The following SLC27A6 variants were observed in gnomAD, a reference collection of about 807,000 sequenced individuals.
SLC27A6 encodes the protein long-chain fatty acid transport protein 6.
In SLC27A6, 74 loss-of-function variants were observed where a neutral mutation model predicts 63.9. That is an observed-to-expected ratio of 1.16 (90% CI 0.96 to 1.40). The LOEUF is 1.40. Among genes scored for constraint, SLC27A6 ranks in the 40% most tolerant of loss-of-function variants. The pLI is 0.00. For synonymous variants in SLC27A6, 287 were observed against 260.8 expected, an observed-to-expected ratio of 1.10 and a Z score of -0.97; for missense variants, 794 against 732.9, an observed-to-expected ratio of 1.08 and a Z score of -0.96.
intron 1 of SLC27A6, among the ~76,000 whole-genome samples, chr5:128,969,462 C>T (rs1185190372): frequency 2.0e-5 from 3 of 152,100 alleles, no homozygotes. Context: ...TTGTAGTTCT[C>T]CTTGAAGAGG....
intron 3 of SLC27A6, 57 bp downstream of exon 3, chr5:128,988,815 T>C: frequency 7.3e-7 from 1 of 1,370,352 alleles, no homozygotes; most frequent in Non-Finnish European, 1.0e-6. Flanking sequence ...TTAGAACAAG[T>C]ATTTATTAAC....
chr5:129,031,167 G>A (rs1752403670), intron 9 of SLC27A6, among the ~76,000 whole-genome samples: 1 of 152,002 alleles, frequency 6.6e-6, no homozygotes. Context: ...GGATCCTTAA[G>A]CACCTAAAAA....
At chr5:128,984,603 C>G (rs536702043) in intron 1 of SLC27A6, among the ~76,000 whole-genome samples, 161 of 152,276 alleles carry the variant, frequency 1.1e-3, no homozygotes, top group African/African-American at 3.6e-3. Flanking sequence ...CCTCTCTCTC[C>G]CACCCTCCCC....
chr5:129,023,884 C>T (rs527690133), intron 6 of SLC27A6, among the ~76,000 whole-genome samples, 174 bp downstream of exon 6: 25 of 152,090 alleles, frequency 1.6e-4, no homozygotes, highest in Admixed American at 3.9e-4. Context: ...GTGTGCACAT[C>T]CTCCTGTATA....
Position 129,001,318 on chromosome 5 carries a change from C to T in SLC27A6, c.969+10854C>T, listed in dbSNP as rs532723956. On this transcript the variant is annotated intron_variant, in intron 4 of 9. Transcript: ENST00000262462. ...TGCCTATTTTTCTGCCCCAGTTCTC[C>T]GACATCCTGTTCGCATTTAGTGTTA... is the stretch of plus-strand genomic sequence containing the variant. Among the ~76,000 whole-genome samples, 11 of 152,260 alleles carry T rather than the reference C, an allele frequency of 7.2e-5. No homozygotes were observed. The South Asian group carries it at 1.2e-3, about 17-fold the overall frequency.
intron 1 of SLC27A6, among the ~76,000 whole-genome samples, chr5:128,976,707 T>TATGAAA (rs58671006): frequency 0.32 from 48,425 of 152,106 alleles, 8,468 homozygotes; most frequent in East Asian, 0.62. Flanking sequence ...TGTAACAGTT[T>TATGAAA]ACTAACAGTG....
intron 4 of SLC27A6, among the ~76,000 whole-genome samples, chr5:129,012,418 A>C (rs1045841359): frequency 6.6e-5 from 10 of 151,686 alleles, no homozygotes; most frequent in Non-Finnish European, 1.5e-4. Context: ...TTTCATGGCC[A>C]CTTGAAAAAA....
At chr5:129,022,914 G>C (rs1429191844) in intron 5 of SLC27A6, among the ~76,000 whole-genome samples, 1 of 152,100 alleles carries the variant, frequency 6.6e-6, no homozygotes, top group Admixed American at 6.6e-5. Flanking sequence ...AAATGAGCCT[G>C]CATGATGTGA....
rs919135080 is a variant in SLC27A6, at chr5:128,988,515, T to C, written c.686-85T>C. The C allele has an allele frequency of 6.6e-6, 7 of 1,059,748 alleles. No homozygotes were observed. In the African/African-American group the frequency reaches 1.1e-4, roughly 17 times the overall value. The allele number at this position is 1,059,748 out of a possible 1,614,324, so 65.6% of individuals were successfully genotyped here. ...TCAGTATCATCTTCTTTCTGTTACTTCCTTTCTAGTTATATGAATATGTAT... is the reference window on the plus strand; with the variant it reads ...TCAGTATCATCTTCTTTCTGTTACTCCCTTTCTAGTTATATGAATATGTAT... On this transcript the variant is annotated intron_variant, in intron 2 of 9. Transcript: ENST00000262462.
intron 1 of SLC27A6, among the ~76,000 whole-genome samples, chr5:128,967,349 G>T (rs897833398): frequency 6.6e-6 from 1 of 152,138 alleles, no homozygotes; most frequent in African/African-American, 2.4e-5. Context: ...AAGATGGGTT[G>T]CTTAATGAAA....
At chr5:129,007,403 A>G (rs984081600) in intron 4 of SLC27A6, among the ~76,000 whole-genome samples, 5 of 147,534 alleles carry the variant, frequency 3.4e-5, no homozygotes, top group African/African-American at 7.5e-5. Flanking sequence ...AGATCATGCC[A>G]CTGCACTCCA....
At chr5:129,027,022 C>T in intron 6 of SLC27A6, 111 bp from the exon 7 acceptor site, 3 of 839,264 alleles carry the variant, frequency 3.6e-6, no homozygotes, top group Non-Finnish European at 3.9e-6. Context: ...TCAGAGGAAG[C>T]TGAGATAAGC....
chr5:128,980,647 A>G (rs979953823), intron 1 of SLC27A6, among the ~76,000 whole-genome samples: 1 of 152,206 alleles, frequency 6.6e-6, no homozygotes, highest in Non-Finnish European at 1.5e-5. Context: ...TAGGATGGTA[A>G]CTATAAGGAT....
Position 129,027,159 on chromosome 5 carries a change from G to A in SLC27A6, c.1282G>A (p.Val428Met), listed in dbSNP as rs1290595445. 2 of 1,613,284 alleles carry A rather than the reference G, an allele frequency of 1.2e-6. No individual in the cohort carries two copies. The highest frequency in any genetic ancestry group is 3.3e-5 in the Admixed American group (2 of 59,952). Residue 428 changes from valine to methionine, a missense_variant, in exon 7 of 10, where the codon GTG (valine) becomes ATG (methionine). By Grantham distance (21) the Val-to-Met change is conservative. Coordinates refer to ENST00000262462, the MANE Select transcript of SLC27A6 (RefSeq NM_001017372.3). ...AGAACCTGGACTTCTCATTTCTCGAGTGAATGCAAAAAATCCCTTCTTTGG... is the reference window on the plus strand; with the variant it reads ...AGAACCTGGACTTCTCATTTCTCGAATGAATGCAAAAAATCCCTTCTTTGG... Reference protein sequence around the residue: ...KGEPGLLISRVNAKNPFFGYA... With the variant: ...KGEPGLLISRMNAKNPFFGYA...
Position 128,985,210 on chromosome 5 carries a change from C to T in SLC27A6, c.559C>T (p.Pro187Ser), listed in dbSNP as rs200600199. The T allele has an allele frequency of 3.1e-6, 5 of 1,613,710 alleles. No individual in the cohort carries two copies. The highest frequency in any genetic ancestry group is 4.2e-6 in the Non-Finnish European group (5 of 1,179,764). The change falls in exon 2 of 10, where the codon CCA becomes TCA. Residue 187 changes from proline (P) to serine (S), a missense_variant. Transcript: ENST00000262462. ...ISVWGMKDSV[P>S]QGVISLKEKL... Reference sequence around the variant, plus strand: ...TGTTTGGGGGATGAAAGATTCTGTTCCACAAGGTGTAATTTCACTCAAAGA... The same window carrying T: ...TGTTTGGGGGATGAAAGATTCTGTTTCACAAGGTGTAATTTCACTCAAAGA...
chr5:128,981,803 CTTTCT>C (rs145278558), intron 1 of SLC27A6, among the ~76,000 whole-genome samples: 2 of 146,312 alleles, frequency 1.4e-5, no homozygotes, highest in African/African-American at 5.0e-5. Context: ...GAGTTTTTTT[CTTTCT>C]TTTCTTTTCT....
At position 129,027,107 on chromosome 5, in the gene SLC27A6, T is replaced by G. The variant is rs747669070; in HGVS notation, c.1256-26T>G. On this transcript the variant is annotated intron_variant, in intron 6 of 9. Transcript: ENST00000262462. ...GTAACAATAGTTTTAATCAGATGGC[T>G]GCAAAAATGTCGTTCTTTCTTGCAG... 1.6e-5 allele frequency: 25 copies of G among 1,594,146 alleles called. No individual in the cohort carries two copies. In the Middle Eastern group the frequency reaches 6.6e-4, roughly 42 times the overall value.
intron 4 of SLC27A6, among the ~76,000 whole-genome samples, chr5:129,013,448 G>T (rs968874143): frequency 6.6e-6 from 1 of 151,942 alleles, no homozygotes; most frequent in Non-Finnish European, 1.5e-5. Flanking sequence ...TTATTTTCTT[G>T]TACTAGCTTT....
chr5:128,984,716 G>A (rs928656559), intron 1 of SLC27A6, among the ~76,000 whole-genome samples: 38 of 152,310 alleles, frequency 2.5e-4, no homozygotes, highest in African/African-American at 9.1e-4. Context: ...CAAATGTTTT[G>A]CATTACAGTG....
Sources: allele counts gnomAD v4.1 joint callset (sites outside exome capture counted in the v4.1 genomes callset), GRCh38; gene constraint gnomAD v4.1.1; transcripts MANE v1.5; gene names NCBI Gene and HGNC (gene_info 2026-07-23, HGNC 2026-07-21).